The following INPP5A variants were observed in gnomAD, a reference collection of about 807,000 sequenced individuals.
The protein encoded by INPP5A is inositol polyphosphate-5-phosphatase A, also known as 43 kDa inositol polyphosphate 5-phophatase.
INPP5A carries 14 observed loss-of-function variants against 65.2 expected under a neutral mutation model. That is an observed-to-expected ratio of 0.21 (90% CI 0.14 to 0.34). The LOEUF is 0.34. Ranked by LOEUF, INPP5A falls within the 10% of genes least tolerant of loss-of-function variation. INPP5A has a pLI of 1.00. For missense variants in INPP5A, 431 were observed against 545.6 expected, an observed-to-expected ratio of 0.79 and a Z score of 2.09; for synonymous variants, 207 against 208.3, an observed-to-expected ratio of 0.99 and a Z score of 0.05.
At chr10:132,724,706 G>C (rs933364000) in intron 8 of INPP5A, among the ~76,000 whole-genome samples, 2 of 149,972 alleles carry the variant, frequency 1.3e-5, no homozygotes, top group Non-Finnish European at 3.0e-5. Context: ...CACCGCAGAT[G>C]GGGGTTACTC....
intron 6 of INPP5A, among the ~76,000 whole-genome samples, chr10:132,702,865 G>C (rs1845458716): frequency 6.6e-6 from 1 of 152,236 alleles, no homozygotes; most frequent in South Asian, 2.1e-4. Flanking sequence ...TGGGCTGTGG[G>C]ATGCTTGGGG....
chr10:132,649,514 T>G (rs1233321982), intron 3 of INPP5A, among the ~76,000 whole-genome samples: 10 of 152,230 alleles, frequency 6.6e-5, no homozygotes, highest in Non-Finnish European at 8.8e-5. Flanking sequence ...AAGGTTGTGT[T>G]TACCAACAGT....
At position 132,538,185 on chromosome 10, in the gene INPP5A, G is replaced by T. The variant is rs1003661653; in HGVS notation, c.75+14G>T. 7.9e-7 allele frequency: 1 copy of T among 1,270,910 alleles called. No homozygotes were observed. The highest frequency in any genetic ancestry group is 1.0e-6 in the Non-Finnish European group (1 of 1,004,026). The allele number at this position is 1,270,910 out of a possible 1,614,324, so 78.7% of individuals were successfully genotyped here. On this transcript the variant is annotated intron_variant, in intron 1 of 15. Coordinates refer to ENST00000368594, the MANE Select transcript of INPP5A (RefSeq NM_005539.5). The surrounding 1 kb of genome is among the most constrained non-coding windows in gnomAD (Gnocchi z 4.1). ...CTCTTCGACGACGTAAGTCCCCCGT[G>T]CCGGCGGCAGGCCCCAAGCCCGGAA...
intron 2 of INPP5A, among the ~76,000 whole-genome samples, chr10:132,621,719 T>C (rs74900161): frequency 5.9e-5 from 9 of 151,946 alleles, no homozygotes; most frequent in African/African-American, 2.2e-4. Flanking sequence ...AGGGATGACT[T>C]TGAGTTCTGT....
intron 1 of INPP5A, among the ~76,000 whole-genome samples, chr10:132,541,056 C>T (rs988506372): frequency 6.8e-6 from 1 of 146,216 alleles, no homozygotes; most frequent in African/African-American, 2.5e-5. Context: ...TGTAGTGGTG[C>T]GGTCACAACT....
At chr10:132,769,191 G>A (rs1321225780) in intron 12 of INPP5A, among the ~76,000 whole-genome samples, 2 of 152,274 alleles carry the variant, frequency 1.3e-5, no homozygotes, top group African/African-American at 4.8e-5. Context: ...TGCTCTGAAT[G>A]AATTGTAACT....
At chr10:132,593,455 C>T (rs915493268) in intron 1 of INPP5A, among the ~76,000 whole-genome samples, 1 of 152,262 alleles carries the variant, frequency 6.6e-6, no homozygotes, top group Admixed American at 6.5e-5. Flanking sequence ...TTCCTATGTA[C>T]ATCCGGAATT....
chr10:132,629,639 C>T (rs2072238416), intron 2 of INPP5A, among the ~76,000 whole-genome samples: 1 of 152,242 alleles, frequency 6.6e-6, no homozygotes, highest in South Asian at 2.1e-4. Context: ...TTTGGCCCTT[C>T]CCTCTGCATT....
rs192820785 is a variant in INPP5A, at chr10:132,650,400, C to T, written c.219-18C>T. 2.2e-3 allele frequency: 3,463 copies of T among 1,593,842 alleles called. 8 individuals carry two copies. The highest frequency in any genetic ancestry group is 2.6e-3 in the Non-Finnish European group (2,981 of 1,161,592). Reference sequence around the variant, plus strand: ...GTCTGTGTGGCTTTTCCTCAGGAACCTACTTTCTTCCTTCCAGAGAACTAT... The same window carrying T: ...GTCTGTGTGGCTTTTCCTCAGGAACTTACTTTCTTCCTTCCAGAGAACTAT... On this transcript the variant is annotated intron_variant, in intron 3 of 15. Transcript: ENST00000368594. The surrounding 1 kb of genome is among the most constrained non-coding windows in gnomAD (Gnocchi z 5.5).
rs1189349593 is a variant in INPP5A, at chr10:132,616,712, A to C, written c.117+8756A>C. Among the ~76,000 whole-genome samples, 1 of 148,160 alleles carries C rather than the reference A, an allele frequency of 6.7e-6. No individual in the cohort carries two copies. Among genetic ancestry groups the C allele is most frequent in the African/African-American group, 2.5e-5 (1 of 39,712 alleles). ...TGTGGTAATGTGGCGTGGAGGATGC[A>C]GTGTGGGGGACATGGTGACATGGCG... is the stretch of plus-strand genomic sequence containing the variant. On this transcript the variant is annotated intron_variant, in intron 2 of 15. Coordinates refer to ENST00000368594, the MANE Select transcript of INPP5A (RefSeq NM_005539.5). The surrounding 1 kb of genome is among the most constrained non-coding windows in gnomAD (Gnocchi z 4.9).
At chr10:132,715,162 A>G (rs1590948974) in intron 8 of INPP5A, among the ~76,000 whole-genome samples, 2 of 152,226 alleles carry the variant, frequency 1.3e-5, no homozygotes, top group Non-Finnish European at 2.9e-5. Flanking sequence ...CTTCCTAGGC[A>G]CCATCCACTG....
chr10:132,550,704 G>A lies in INPP5A; in HGVS notation c.75+12533G>A, dbSNP rs1300943326. On this transcript the variant is annotated intron_variant, in intron 1 of 15. Coordinates refer to ENST00000368594, the MANE Select transcript of INPP5A (RefSeq NM_005539.5). The surrounding 1 kb of genome is among the most constrained non-coding windows in gnomAD (Gnocchi z 4.2). ...TCTGGCTATTTCACTATTAAAACAA[G>A]TGGAAACACTAGTTTGGTCCCGCCT... is the stretch of plus-strand genomic sequence containing the variant. 3.3e-5 allele frequency among the ~76,000 whole-genome samples: 5 copies of A among 152,346 alleles called. No homozygotes were observed. In the East Asian group the frequency reaches 9.6e-4, roughly 29 times the overall value.
intron 9 of INPP5A, among the ~76,000 whole-genome samples, chr10:132,731,283 G>A (rs1846080711): frequency 3.9e-5 from 6 of 152,012 alleles, no homozygotes; most frequent in African/African-American, 2.4e-5. Context: ...TGTCCCTCCT[G>A]CGCATCAGGC....
In INPP5A at chr10:132,668,977, G is replaced by A. The variant is rs77773999; in HGVS notation, c.306+18472G>A. On this transcript the variant is annotated intron_variant, in intron 4 of 15. Coordinates refer to ENST00000368594, the MANE Select transcript of INPP5A (RefSeq NM_005539.5). Reference sequence around the variant, plus strand: ...AGGTTAAGAAACAGCCGGTGAGGCCGGGCATGGTGGCTCACTCCTGTAATC... The same window carrying A: ...AGGTTAAGAAACAGCCGGTGAGGCCAGGCATGGTGGCTCACTCCTGTAATC... 1.1e-3 allele frequency among the ~76,000 whole-genome samples: 166 copies of A among 152,072 alleles called. 2 individuals are homozygous for A. In the East Asian group the frequency reaches 0.027, roughly 24 times the overall value.
At chr10:132,780,726 G>A (rs1181598992) in intron 13 of INPP5A, 123 bp from the exon 14 acceptor site, 2 of 814,692 alleles carry the variant, frequency 2.5e-6, no homozygotes, top group East Asian at 4.9e-5. Context: ...GGGAGGTACT[G>A]GCAGGGGCCG....
At chr10:132,610,534 G>A (rs1400727457) in intron 2 of INPP5A, among the ~76,000 whole-genome samples, 5 of 152,258 alleles carry the variant, frequency 3.3e-5, no homozygotes, top group African/African-American at 1.2e-4. Flanking sequence ...AAAACCCAGA[G>A]GGCCTGCCAG....
In INPP5A at chr10:132,753,028, C is replaced by T. The variant is rs939183239; in HGVS notation, c.903+3183C>T. Reference sequence around the variant, plus strand: ...GGAAAGGCGGCCTGAGCTCAGGAGGCGCCTTCTGAGGCTGTTTCTCATGAG... The same window carrying T: ...GGAAAGGCGGCCTGAGCTCAGGAGGTGCCTTCTGAGGCTGTTTCTCATGAG... On this transcript the variant is annotated intron_variant, in intron 11 of 15. Coordinates refer to ENST00000368594, the MANE Select transcript of INPP5A (RefSeq NM_005539.5). The surrounding 1 kb of genome is among the most constrained non-coding windows in gnomAD (Gnocchi z 5.3). 2.6e-5 allele frequency among the ~76,000 whole-genome samples: 4 copies of T among 152,134 alleles called. No homozygotes were observed. Among genetic ancestry groups the T allele is most frequent in the Admixed American group, 6.5e-5 (1 of 15,278 alleles).
At chr10:132,562,655 A>G (rs1042081467) in intron 1 of INPP5A, among the ~76,000 whole-genome samples, 4 of 152,136 alleles carry the variant, frequency 2.6e-5, no homozygotes, top group Admixed American at 6.5e-5. Context: ...GGTTTTCTTG[A>G]GGTGGAGAAA....
chr10:132,656,649 G>A (rs1422051770), intron 4 of INPP5A, among the ~76,000 whole-genome samples: 4 of 152,230 alleles, frequency 2.6e-5, no homozygotes, highest in Non-Finnish European at 4.4e-5. Flanking sequence ...TAGACAGAAG[G>A]AGGGGTTGGA....
Sources: allele counts gnomAD v4.1 joint callset (sites outside exome capture counted in the v4.1 genomes callset), GRCh38; gene constraint gnomAD v4.1.1; non-coding constraint Gnocchi (gnomAD v3.1); transcripts MANE v1.5; gene names NCBI Gene and HGNC (gene_info 2026-07-23, HGNC 2026-07-21).